SRRT: variants seen among roughly 807,000 people sequenced by gnomAD.
SRRT encodes the protein serrate RNA effector molecule homolog.
In SRRT, 32 loss-of-function variants were observed where a neutral mutation model predicts 103.2. The ratio of observed to expected loss-of-function variants is 0.31; its 90% confidence interval spans 0.23 to 0.42. The LOEUF (loss-of-function observed/expected upper bound fraction) is 0.42, where lower values mean the gene tolerates loss of function less well. Ranked by LOEUF, SRRT falls within the 10% of genes least tolerant of loss-of-function variation. The probability of loss-of-function intolerance (pLI) is 1.00; values close to 1 mark genes in which losing one functional copy is unlikely to be tolerated. For missense variants in SRRT, 986 were observed against 1,207.5 expected, an observed-to-expected ratio of 0.82 and a Z score of 2.72; for synonymous variants, 525 against 449.0, an observed-to-expected ratio of 1.17 and a Z score of -2.14.
chr7:100,878,323 G>A (rs1815948923), intron 2 of SRRT, among the ~76,000 whole-genome samples: 1 of 151,390 alleles, frequency 6.6e-6, no homozygotes, highest in African/African-American at 2.4e-5. Flanking sequence ...AAAAAAAAAA[G>A]GAAATTAAAA....
chr7:100,881,829 A>G (rs769529196), intron 4 of SRRT, 24 bp downstream of exon 4: 8 of 1,574,520 alleles, frequency 5.1e-6, no homozygotes, highest in Non-Finnish European at 6.9e-6. Flanking sequence ...TTCTCAGAAG[A>G]GGGTTGGTAG....
rs1225004375 is a variant in SRRT, at chr7:100,888,046, C to T, written c.2331C>T (p.Leu777=). The T allele has an allele frequency of 1.4e-5, 21 of 1,547,464 alleles. No homozygotes were observed. Among genetic ancestry groups the T allele is most frequent in the Non-Finnish European group, 1.6e-5 (18 of 1,151,054 alleles). ...PAQPPGPAQI[L]PPGLTPGLPY... ...TTCATGTCCCTGTCCGTGTTGTACT[C>T]CCCCCAGGTTTGACCCCAGGACTCC... Residue 777 remains leucine, a synonymous_variant, in exon 18 of 20, where the codon CTC becomes CTT. Transcript: ENST00000611405.
chr7:100,875,812 C>A, intron 2 of SRRT, 100 bp downstream of exon 2: 1 of 1,469,264 alleles, frequency 6.8e-7, no homozygotes, highest in Non-Finnish European at 9.4e-7. Context: ...GAGGGCGAAT[C>A]CTATGAAATG....
At position 100,882,039 on chromosome 7, in the gene SRRT, G is replaced by A. The variant is rs1789624665; in HGVS notation, c.399-14G>A. 3 of 1,606,926 alleles carry A rather than the reference G, an allele frequency of 1.9e-6. No individual in the cohort carries two copies. The highest frequency in any genetic ancestry group is 3.4e-4 in the Middle Eastern group (2 of 5,854). On this transcript the variant is annotated splice_polypyrimidine_tract_variant and intron_variant, in intron 4 of 19. Transcript: ENST00000611405. This position sits in a 1 kb window ranked among gnomAD's most constrained non-coding sequence, Gnocchi z 4.2. ...CCCCAAAAACCAAGCCTTCCTGACC[G>A]GGGTCCCCTCCAGGCTGGGCAGCAT...
rs764207927 is a variant in SRRT, at chr7:100,887,004, G to A, written c.1821+36G>A. ...CAGCGCGGGGCACGTGGGGGCTCGG[G>A]CGGTGAGGGCAGGAGCTGAACGCTC... On this transcript the variant is annotated intron_variant, in intron 14 of 19. Coordinates refer to ENST00000611405, the MANE Select transcript of SRRT (RefSeq NM_015908.6). This position sits in a 1 kb window ranked among gnomAD's most constrained non-coding sequence, Gnocchi z 4.1. 1.9e-6 allele frequency: 3 copies of A among 1,610,740 alleles called. No homozygotes were observed. Among genetic ancestry groups the A allele is most frequent in the South Asian group, 2.2e-5 (2 of 90,960 alleles).
rs1790088420 is a variant in SRRT, at chr7:100,886,238, G to C, written c.1459-9G>C. Reference sequence around the variant, plus strand: ...GTGGGGTAAGCTGCTGATGATGTCTGCCCTCCAGCTCCGGGAGTGTGAGCT... The same window carrying C: ...GTGGGGTAAGCTGCTGATGATGTCTCCCCTCCAGCTCCGGGAGTGTGAGCT... On this transcript the variant is annotated splice_polypyrimidine_tract_variant and intron_variant, in intron 12 of 19. Coordinates refer to ENST00000611405, the MANE Select transcript of SRRT (RefSeq NM_015908.6). The C allele has an allele frequency of 6.2e-7, 1 of 1,607,880 alleles. No individual in the cohort carries two copies. Among genetic ancestry groups the C allele is most frequent in the Admixed American group, 1.7e-5 (1 of 59,798 alleles).
chr7:100,886,667 G>C, intron 13 of SRRT, 128 bp from the exon 14 acceptor site: 1 of 1,132,094 alleles, frequency 8.8e-7, no homozygotes, highest in Non-Finnish European at 1.3e-6. Flanking sequence ...CAAATCTCAA[G>C]GGGGCAAAAG....
rs1438358078 is a variant in SRRT at position 100,884,734 on chromosome 7, C to G, written c.943-6C>G. 1 of 1,613,476 alleles carries G rather than the reference C, an allele frequency of 6.2e-7. No individual in the cohort carries two copies. The highest frequency in any genetic ancestry group is 1.1e-5 in the South Asian group (1 of 91,050). On this transcript the variant is annotated splice_polypyrimidine_tract_variant and splice_region_variant and intron_variant, in intron 7 of 19. Transcript: ENST00000611405. ...TGACATCCCCAGTGGTTGTCTCTTA[C>G]CATAGGCTGAGAATGACAGTTCTAA...
intron 2 of SRRT, among the ~76,000 whole-genome samples, chr7:100,878,890 TTTTCTTTTCTTTTCC>T (rs374723608): frequency 2.6e-5 from 4 of 151,690 alleles, no homozygotes; most frequent in African/African-American, 4.8e-5. Flanking sequence ...CCTTCCTTCC[TTTTCTTTTCTTTTCC>T]TTTCTTTTCT....
At chr7:100,879,397 C>T (rs1373875684) in intron 2 of SRRT, among the ~76,000 whole-genome samples, 2 of 152,124 alleles carry the variant, frequency 1.3e-5, no homozygotes, top group Non-Finnish European at 2.9e-5. Flanking sequence ...GCCACCATGC[C>T]CGGCCTGCCT....
Position 100,885,315 on chromosome 7 carries a change from G to A in SRRT, c.1262G>A (p.Cys421Tyr). The A allele has an allele frequency of 6.2e-7, 1 of 1,614,164 alleles. No homozygotes were observed. Among genetic ancestry groups the A allele is most frequent in the Non-Finnish European group, 8.5e-7 (1 of 1,180,034 alleles). The change falls in exon 10 of 20, where the codon TGC (cysteine) becomes TAC (tyrosine). Residue 421 changes from cysteine to tyrosine, a missense_variant. By Grantham distance (194) the Cys-to-Tyr change is radical. Around this residue, in one of 6 missense-constraint regions of SRRT, gnomAD observed 349 missense variants for 446.9 expected, o/e 0.78. Coordinates refer to ENST00000611405, the MANE Select transcript of SRRT (RefSeq NM_015908.6). The surrounding 1 kb of genome is among the most constrained non-coding windows in gnomAD (Gnocchi z 4.8). ...ECKPRPLHKT[C>Y]SLFMRNIAPN... ...AAGCCGCGGCCGCTGCATAAGACCT[G>A]CTCCCTCTTCATGCGCAACATCGCG...
In SRRT at chr7:100,884,770, A is replaced by T. The variant is rs2115848635; in HGVS notation, c.973A>T (p.Thr325Ser). 1 of 1,614,074 alleles carries T rather than the reference A, an allele frequency of 6.2e-7. No homozygotes were observed. The change falls in exon 8 of 20, where the codon ACA (threonine) becomes TCA (serine). Residue 325 changes from threonine to serine, a missense_variant. Around this residue, in one of 6 missense-constraint regions of SRRT, gnomAD observed 166 missense variants for 148.6 expected, o/e 1.12. Transcript: ENST00000611405. ...AENDSSNDDKTKKSEGDGDKE... is the reference protein window; with the variant it reads ...AENDSSNDDKSKKSEGDGDKE... ...GAATGACAGTTCTAATGATGACAAA[A>T]CAAAGAAGTCGGAGGGTGATGGGGA...
Position 100,884,094 on chromosome 7 carries a change from T to C in SRRT, c.612T>C (p.Asp204=). The change falls in exon 6 of 20, where the codon GAT becomes GAC. Residue 204 remains aspartate (D), a synonymous_variant. Coordinates refer to ENST00000611405, the MANE Select transcript of SRRT (RefSeq NM_015908.6). Reference sequence around the variant, plus strand: ...GGTTTCGGTCTAAGTACCACCCAGATGAGGTGGGGAAGCGTCGGCAGGAGG... The same window carrying C: ...GGTTTCGGTCTAAGTACCACCCAGACGAGGTGGGGAAGCGTCGGCAGGAGG... ...EEWFRSKYHP[D]EVGKRRQEAR... 1 of 1,603,326 alleles carries C rather than the reference T, an allele frequency of 6.2e-7. No individual in the cohort carries two copies. Among genetic ancestry groups the C allele is most frequent in the East Asian group, 2.2e-5 (1 of 44,762 alleles).
At chr7:100,886,758 T>G in intron 13 of SRRT, 37 bp from the exon 14 acceptor site, 1 of 1,610,956 alleles carries the variant, frequency 6.2e-7, no homozygotes, top group Non-Finnish European at 8.5e-7. Context: ...CCTCTGAAGG[T>G]CTTCTCTGCC....
chr7:100,876,051 G>C (rs902039780), intron 2 of SRRT: 10 of 246,166 alleles, frequency 4.1e-5, no homozygotes, highest in Admixed American at 2.9e-4. Flanking sequence ...TGATGCAGTC[G>C]TAGCAGCCTC....
intron 8 of SRRT, 21 bp from the exon 9 acceptor site, chr7:100,884,902 C>T: frequency 1.2e-6 from 2 of 1,613,846 alleles, no homozygotes; most frequent in South Asian, 1.1e-5. Context: ...TGACTTGTCC[C>T]CTCTGCTGTG....
intron 2 of SRRT, chr7:100,876,081 AG>A: frequency 4.7e-6 from 1 of 211,990 alleles, no homozygotes; most frequent in Non-Finnish European, 9.9e-6. Flanking sequence ...GGCTCAACCG[AG>A]CCTCCCGCCT....
chr7:100,887,642 G>T lies in SRRT; in HGVS notation c.2170-61G>T. ...CGGGAGCTGGGAATCCTTCCAGCTC[G>T]GGCCTGGGAGCGAGGCAACCCTTAT... On this transcript the variant is annotated intron_variant, in intron 16 of 19. Coordinates refer to ENST00000611405, the MANE Select transcript of SRRT (RefSeq NM_015908.6). The surrounding 1 kb of genome is among the most constrained non-coding windows in gnomAD (Gnocchi z 4.1). 1 of 1,580,542 alleles carries T rather than the reference G, an allele frequency of 6.3e-7. No individual in the cohort carries two copies. Among genetic ancestry groups the T allele is most frequent in the Non-Finnish European group, 8.6e-7 (1 of 1,158,546 alleles).
In SRRT at chr7:100,885,197, C is replaced by A. The variant is rs758627780; in HGVS notation, c.1160-16C>A. ...TAAAAATGCACCAACTCCTTCCTAC[C>A]CCCCTTCCTGCCTAGAAGAAGCGCT... On this transcript the variant is annotated splice_polypyrimidine_tract_variant and intron_variant, in intron 9 of 19. Coordinates refer to ENST00000611405, the MANE Select transcript of SRRT (RefSeq NM_015908.6). This position sits in a 1 kb window ranked among gnomAD's most constrained non-coding sequence, Gnocchi z 4.8. 24 of 1,610,942 alleles carry A rather than the reference C, an allele frequency of 1.5e-5. 1 individual carries two copies. In the Middle Eastern group the frequency reaches 1.2e-3, roughly 77 times the overall value.
Sources: allele counts gnomAD v4.1 joint callset (sites outside exome capture counted in the v4.1 genomes callset), GRCh38; gene constraint gnomAD v4.1.1; regional missense constraint gnomAD v4.1.1; non-coding constraint Gnocchi (gnomAD v3.1); transcripts MANE v1.5; gene names NCBI Gene and HGNC (gene_info 2026-07-23, HGNC 2026-07-21).